The following MINDY2 variants were observed in gnomAD, a reference collection of about 807,000 sequenced individuals.
MINDY2 encodes the protein ubiquitin carboxyl-terminal hydrolase MINDY-2.
MINDY2 carries 52 observed loss-of-function variants against 68.2 expected under a neutral mutation model. That is an observed-to-expected ratio of 0.76 (90% CI 0.61 to 0.96). The LOEUF is 0.96. Among genes scored for constraint, MINDY2 ranks in the 40% least tolerant of loss-of-function variants. MINDY2 has a pLI of 0.00. For synonymous variants in MINDY2, 372 were observed against 303.0 expected, an observed-to-expected ratio of 1.23 and a Z score of -2.36; for missense variants, 881 against 773.4, an observed-to-expected ratio of 1.14 and a Z score of -1.65.
At chr15:58,842,066 C>T (rs73428564) in intron 6 of MINDY2, among the ~76,000 whole-genome samples, 4,450 of 152,034 alleles carry the variant, frequency 0.029, 192 homozygotes, top group African/African-American at 0.098. Flanking sequence ...GTCTAGATCA[C>T]ATAGCTTCTA....
At chr15:58,796,112 C>A (rs1448476351) in intron 2 of MINDY2, 1 of 455,832 alleles carries the variant, frequency 2.2e-6, no homozygotes, top group East Asian at 6.9e-5. Context: ...GGAAATGGAG[C>A]CTCAAGGGCA....
chr15:58,791,620 ATATGTGTG>A (rs1384268321), intron 2 of MINDY2, among the ~76,000 whole-genome samples: 27 of 80,850 alleles, frequency 3.3e-4, no homozygotes, highest in Middle Eastern at 5.7e-3. Context: ...CTGTCTCAAA[ATATGTGTG>A]TGTGTGTGTG....
chr15:58,842,097 A>C (rs2141045510), intron 6 of MINDY2, among the ~76,000 whole-genome samples: 1 of 152,090 alleles, frequency 6.6e-6, no homozygotes, highest in South Asian at 2.1e-4. Context: ...TCATATAATG[A>C]TATCTGCATA....
At chr15:58,838,519 A>G (rs1181134219) in intron 6 of MINDY2, among the ~76,000 whole-genome samples, 1 of 151,994 alleles carries the variant, frequency 6.6e-6, no homozygotes, top group Admixed American at 6.6e-5. Context: ...TCTGTAATAA[A>G]CAGGCAATCA....
Position 58,792,243 on chromosome 15 carries a change from G to A in MINDY2, c.898+4280G>A, listed in dbSNP as rs140726836. ...CTTTAAAAAGTTAAACAGAATTACC[G>A]TATGACCATGAAATATCATTCCTAG... On this transcript the variant is annotated intron_variant, in intron 2 of 8. Transcript: ENST00000559228. Among the ~76,000 whole-genome samples the A allele has an allele frequency of 2.8e-3, 422 of 152,294 alleles. 1 individual carries two copies. The highest frequency in any genetic ancestry group is 4.7e-3 in the Non-Finnish European group (321 of 68,030).
At chr15:58,827,516 T>G (rs1016357611) in intron 5 of MINDY2, among the ~76,000 whole-genome samples, 1 of 152,104 alleles carries the variant, frequency 6.6e-6, no homozygotes, top group African/African-American at 2.4e-5. Flanking sequence ...CAGGCTGGAG[T>G]GTAGTGGCGC....
chr15:58,797,746 C>T (rs1161821847), intron 2 of MINDY2, among the ~76,000 whole-genome samples: 1 of 152,172 alleles, frequency 6.6e-6, no homozygotes, highest in African/African-American at 2.4e-5. Flanking sequence ...ATCACTAGCA[C>T]TCTACTTGAC....
chr15:58,816,507 G>A (rs2030698876), intron 4 of MINDY2, among the ~76,000 whole-genome samples: 1 of 152,006 alleles, frequency 6.6e-6, no homozygotes, highest in South Asian at 2.1e-4. Context: ...GATGGCTCAA[G>A]GAATCCTCCC....
chr15:58,805,231 T>C (rs1196731227), intron 3 of MINDY2, among the ~76,000 whole-genome samples: 1 of 151,756 alleles, frequency 6.6e-6, no homozygotes, highest in Non-Finnish European at 1.5e-5. Flanking sequence ...AAATAGTGTA[T>C]GTCAAGCTTA....
intron 4 of MINDY2, among the ~76,000 whole-genome samples, chr15:58,815,899 C>G (rs562661099): frequency 6.6e-6 from 1 of 151,692 alleles, no homozygotes; most frequent in Admixed American, 6.6e-5. Flanking sequence ...AGGATGGTCT[C>G]GATCTCTTGA....
intron 4 of MINDY2, among the ~76,000 whole-genome samples, chr15:58,817,327 AT>A (rs1349186125): frequency 6.6e-6 from 1 of 152,236 alleles, no homozygotes; most frequent in East Asian, 1.9e-4. Flanking sequence ...AAAAACAGAT[AT>A]CCAAATGGCC....
intron 4 of MINDY2, 60 bp downstream of exon 4, chr15:58,810,448 AAATT>A (rs2030156422): frequency 1.4e-6 from 2 of 1,395,700 alleles, no homozygotes; most frequent in Admixed American, 2.7e-5. Flanking sequence ...TTAATTTGGC[AAATT>A]AATCTCAATT....
chr15:58,854,380 A>G (rs1403342647), intron 8 of MINDY2, 102 bp from the exon 9 acceptor site: 3 of 1,338,826 alleles, frequency 2.2e-6, no homozygotes, highest in African/African-American at 1.5e-5. Context: ...TTCTTTTTCC[A>G]TCAGTGATTC....
At chr15:58,837,715 C>A (rs1344565940) in intron 6 of MINDY2, among the ~76,000 whole-genome samples, 5 of 151,942 alleles carry the variant, frequency 3.3e-5, no homozygotes, top group Admixed American at 3.3e-4. Flanking sequence ...CATGTAATTG[C>A]AGTACTTTGA....
chr15:58,787,736 CAAAA>C (rs5812951), intron 1 of MINDY2, among the ~76,000 whole-genome samples, 166 bp from the exon 2 acceptor site: 4 of 92,854 alleles, frequency 4.3e-5, no homozygotes, highest in Non-Finnish European at 4.6e-5. Flanking sequence ...GAGTCCGTCT[CAAAA>C]AAAAAAAAAA....
rs2031118457 is a variant in MINDY2 at position 58,822,356 on chromosome 15, AT to A, written c.1225+539del. On this transcript the variant is annotated intron_variant, in intron 5 of 8. Coordinates refer to ENST00000559228, the MANE Select transcript of MINDY2 (RefSeq NM_001040450.3). The stretch of plus-strand genomic sequence containing the variant: ...ACTTGTAAAATCAGGCCTGGATTCT[AT>A]TAAAAATTTTTGGAATCACTTGCTA... Among the ~76,000 whole-genome samples the A allele has an allele frequency of 2.6e-5, 4 of 152,210 alleles. No homozygotes were observed. In the South Asian group the frequency reaches 8.3e-4, roughly 32 times the overall value.
At chr15:58,820,931 CAT>C (rs1401450219) in intron 4 of MINDY2, among the ~76,000 whole-genome samples, 3 of 150,882 alleles carry the variant, frequency 2.0e-5, no homozygotes, top group African/African-American at 4.8e-5. Flanking sequence ...CAGCAATACA[CAT>C]AAATAATTTA....
intron 4 of MINDY2, among the ~76,000 whole-genome samples, chr15:58,811,616 A>G (rs1039939662): frequency 6.6e-6 from 1 of 152,226 alleles, no homozygotes; most frequent in Non-Finnish European, 1.5e-5. Flanking sequence ...TGTGACCTTC[A>G]GGAGAGGAAT....
chr15:58,787,732 G>A (rs1425428643), intron 1 of MINDY2, among the ~76,000 whole-genome samples, 174 bp from the exon 2 acceptor site: 2 of 101,902 alleles, frequency 2.0e-5, no homozygotes, highest in Non-Finnish European at 3.6e-5. Flanking sequence ...GCGAGAGTCC[G>A]TCTCAAAAAA....
Sources: gnomAD v4.1 joint callset for allele counts (sites outside exome capture counted in the v4.1 genomes callset) on GRCh38, gnomAD v4.1.1 for gene constraint, MANE v1.5 for transcripts, NCBI Gene and HGNC (gene_info 2026-07-23, HGNC 2026-07-21) for gene names.